The following PLCB1 variants were observed in gnomAD, a reference collection of about 807,000 sequenced individuals.
PLCB1 encodes the protein 1-phosphatidylinositol 4,5-bisphosphate phosphodiesterase beta-1.
A neutral mutation model predicts 161.8 loss-of-function variants in PLCB1; 46 were observed. That is an observed-to-expected ratio of 0.28 (90% CI 0.22 to 0.36). The LOEUF (loss-of-function observed/expected upper bound fraction) is 0.36, where lower values mean the gene tolerates loss of function less well. Ranked by LOEUF, PLCB1 falls within the 10% of genes least tolerant of loss-of-function variation. The pLI is 1.00. For synonymous variants in PLCB1, 517 were observed against 503.7 expected, an observed-to-expected ratio of 1.03 and a Z score of -0.35; for missense variants, 1,016 against 1,472.5, an observed-to-expected ratio of 0.69 and a Z score of 5.07.
chr20:8,845,881 G>A (rs78788780), intron 31 of PLCB1, among the ~76,000 whole-genome samples: 15 of 152,230 alleles, frequency 9.9e-5, no homozygotes, highest in African/African-American at 2.2e-4. Flanking sequence ...TACGCAATGC[G>A]GACACATTGG....
intron 2 of PLCB1, among the ~76,000 whole-genome samples, chr20:8,354,645 C>G (rs746919273): frequency 2.6e-5 from 4 of 152,156 alleles, no homozygotes; most frequent in Non-Finnish European, 4.4e-5. Context: ...ACTTTGGCCC[C>G]GAATACTGGC....
intron 3 of PLCB1, among the ~76,000 whole-genome samples, chr20:8,456,891 A>T (rs1335714144): frequency 6.6e-6 from 1 of 152,130 alleles, no homozygotes; most frequent in East Asian, 1.9e-4. Flanking sequence ...GAGGGAGGGC[A>T]TCACCCTCAG....
At chr20:8,214,075 G>A (rs1199874512) in intron 2 of PLCB1, among the ~76,000 whole-genome samples, 1 of 152,050 alleles carries the variant, frequency 6.6e-6, no homozygotes, top group Non-Finnish European at 1.5e-5. Flanking sequence ...AAGCAAAAGC[G>A]AAACAAAGGA....
chr20:8,819,182 G>GT (rs1568611658), intron 31 of PLCB1, among the ~76,000 whole-genome samples: 1 of 152,096 alleles, frequency 6.6e-6, no homozygotes, highest in East Asian at 1.9e-4. Flanking sequence ...CTTTAACATT[G>GT]GCACAAATAT....
intron 2 of PLCB1, among the ~76,000 whole-genome samples, chr20:8,269,237 C>T (rs548813401): frequency 1.3e-5 from 2 of 152,182 alleles, no homozygotes; most frequent in South Asian, 2.1e-4. Context: ...CTACCCCATC[C>T]CCCCAACCCC....
chr20:8,820,935 A>ATATAT (rs143671296), intron 31 of PLCB1, among the ~76,000 whole-genome samples: 4,015 of 152,264 alleles, frequency 0.026, 166 homozygotes, highest in African/African-American at 0.092. Flanking sequence ...AAATGAATCA[A>ATATAT]TATTTTAGTA....
At chr20:8,306,416 C>A (rs1984140109) in intron 2 of PLCB1, 1 of 152,152 alleles carries the variant, frequency 6.6e-6, no homozygotes, top group African/African-American at 2.4e-5. Context: ...CTGCACAAGT[C>A]AAATATAAGA....
intron 3 of PLCB1, among the ~76,000 whole-genome samples, chr20:8,400,729 G>A (rs181537057): frequency 6.6e-6 from 1 of 152,226 alleles, no homozygotes; most frequent in Admixed American, 6.5e-5. Flanking sequence ...AGAGGTTGTA[G>A]AGTATTATTT....
chr20:8,373,661 C>G (rs1415190676), intron 3 of PLCB1, among the ~76,000 whole-genome samples: 1 of 152,102 alleles, frequency 6.6e-6, no homozygotes, highest in Non-Finnish European at 1.5e-5. Context: ...ACAATAAGTA[C>G]TTACTAAATA....
At chr20:8,777,835 C>T (rs1029711941) in intron 27 of PLCB1, among the ~76,000 whole-genome samples, 7 of 152,038 alleles carry the variant, frequency 4.6e-5, no homozygotes, top group South Asian at 4.1e-4. Flanking sequence ...TAAACTTCAC[C>T]GTGACTGGGG....
At chr20:8,710,660 A>T (rs995715637) in intron 12 of PLCB1, among the ~76,000 whole-genome samples, 1 of 151,862 alleles carries the variant, frequency 6.6e-6, no homozygotes, top group Non-Finnish European at 1.5e-5. Flanking sequence ...GATTACAGGC[A>T]TGCACCACCA....
chr20:8,615,325 A>G (rs1459666408), intron 3 of PLCB1, among the ~76,000 whole-genome samples: 5 of 152,202 alleles, frequency 3.3e-5, no homozygotes, highest in African/African-American at 1.2e-4. Flanking sequence ...AGTGATTTAT[A>G]GTTCTTTTGT....
chr20:8,298,571 T>C (rs964701509), intron 2 of PLCB1, among the ~76,000 whole-genome samples: 1 of 151,740 alleles, frequency 6.6e-6, no homozygotes, highest in Non-Finnish European at 1.5e-5. Flanking sequence ...AAGTATTCCA[T>C]TTAGAAGTGT....
At chr20:8,414,921 C>T (rs1262828365) in intron 3 of PLCB1, among the ~76,000 whole-genome samples, 1 of 152,030 alleles carries the variant, frequency 6.6e-6, no homozygotes, top group Non-Finnish European at 1.5e-5. Context: ...GACCTACTGA[C>T]TCAGAATATG....
intron 9 of PLCB1, among the ~76,000 whole-genome samples, chr20:8,683,404 A>C (rs932593871): frequency 2.6e-5 from 4 of 151,724 alleles, no homozygotes; most frequent in Non-Finnish European, 5.9e-5. Context: ...AAGAAAAAAA[A>C]AAGAAATGCT....
chr20:8,475,656 G>A lies in PLCB1; in HGVS notation c.246+104206G>A, dbSNP rs193299250. ...TTGCACACTTTTTTTCAGATAATTG[G>A]TGTATGTAAAGGATTTCACTTCACA... On this transcript the variant is annotated intron_variant, in intron 3 of 31. Transcript: ENST00000338037. Among the ~76,000 whole-genome samples the A allele has an allele frequency of 1.6e-4, 25 of 152,124 alleles. No individual in the cohort carries two copies. The East Asian group carries it at 4.6e-3, about 28-fold the overall frequency.
In PLCB1 at chr20:8,150,315, A is replaced by T; in HGVS notation, c.121A>T (p.Ile41Phe). 1 of 1,545,482 alleles carries T rather than the reference A, an allele frequency of 6.5e-7. No individual in the cohort carries two copies. Among genetic ancestry groups the T allele is most frequent in the Non-Finnish European group, 8.9e-7 (1 of 1,124,230 alleles). Reference sequence around the variant, plus strand: ...CTAGGACTCAACTATTGTTACTCCAATTATTTTGAGGACTGACCCTCAGGG... The same window carrying T: ...CTAGGACTCAACTATTGTTACTCCATTTATTTTGAGGACTGACCCTCAGGG... ...WDDDSTIVTPIILRTDPQGFF... is the reference protein window; with the variant it reads ...WDDDSTIVTPFILRTDPQGFF... The change falls in exon 2 of 32, where the codon ATT (isoleucine) becomes TTT (phenylalanine). Residue 41 changes from isoleucine to phenylalanine, a missense_variant. Physicochemically the swap from Ile to Phe is conservative, Grantham distance 21 (BLOSUM62 0). Transcript: ENST00000338037.
chr20:8,416,509 A>G (rs576663777), intron 3 of PLCB1, among the ~76,000 whole-genome samples: 1 of 152,318 alleles, frequency 6.6e-6, no homozygotes, highest in African/African-American at 2.4e-5. Flanking sequence ...ATGCTCACTA[A>G]CATTAAGTAA....
intron 3 of PLCB1, among the ~76,000 whole-genome samples, chr20:8,622,409 T>C (rs1236030129): frequency 6.6e-6 from 1 of 152,222 alleles, no homozygotes; most frequent in African/African-American, 2.4e-5. Context: ...ATTCAATCCA[T>C]TGATATTCTA....
Sources: gnomAD v4.1 joint callset for allele counts (sites outside exome capture counted in the v4.1 genomes callset) on GRCh38, gnomAD v4.1.1 for gene constraint, MANE v1.5 for transcripts, NCBI Gene and HGNC (gene_info 2026-07-23, HGNC 2026-07-21) for gene names.